EYA4: variants seen among roughly 807,000 people sequenced by gnomAD.
EYA4 encodes the protein protein phosphatase EYA4.
In EYA4, 31 loss-of-function variants were observed where a neutral mutation model predicts 87.9. That is an observed-to-expected ratio of 0.35 (90% CI 0.27 to 0.48). The LOEUF (loss-of-function observed/expected upper bound fraction) is 0.48. EYA4 is among the 20% of genes least tolerant of loss of function. The probability of loss-of-function intolerance (pLI) is 0.99; values close to 1 mark genes in which losing one functional copy is unlikely to be tolerated. For missense variants in EYA4, 678 were observed against 761.4 expected (o/e 0.89, Z 1.29); for synonymous variants, 263 against 270.6 (o/e 0.97, Z 0.28).
intron 2 of EYA4, among the ~76,000 whole-genome samples, chr6:133,307,541 T>G (rs1003092575): frequency 6.6e-6 from 1 of 152,172 alleles, no homozygotes; most frequent in South Asian, 2.1e-4. Context: ...GTTCAAGCCT[T>G]AATACTAATC....
At chr6:133,487,015 A>T (rs11757467) in intron 13 of EYA4, among the ~76,000 whole-genome samples, 3,605 of 152,292 alleles carry the variant, frequency 0.024, 52 homozygotes, top group Middle Eastern at 0.037. Flanking sequence ...TGACTTGCTG[A>T]CACCACCACC....
rs777955318 is a variant in EYA4, at chr6:133,419,022, G to A, written c.84-27608G>A. On this transcript the variant is annotated intron_variant, in intron 3 of 19. Transcript: ENST00000355286. Reference sequence around the variant, plus strand: ...ATATCCACTCATAGGACATAGGGTGGCCTTTCTCTCTTTTTATAAGGGTAT... The same window carrying A: ...ATATCCACTCATAGGACATAGGGTGACCTTTCTCTCTTTTTATAAGGGTAT... Among the ~76,000 whole-genome samples, 8 of 152,192 alleles carry A rather than the reference G, an allele frequency of 5.3e-5. 1 individual carries two copies. The Middle Eastern group carries it at 0.01, about 194-fold the overall frequency.
intron 3 of EYA4, among the ~76,000 whole-genome samples, chr6:133,404,801 C>T (rs759503123): frequency 5.3e-5 from 8 of 152,174 alleles, no homozygotes; most frequent in Non-Finnish European, 1.2e-4. Flanking sequence ...TGCCTCATCA[C>T]CCACCTTAAA....
chr6:133,513,165 GC>G, intron 16 of EYA4, 127 bp downstream of exon 16: 1 of 952,142 alleles, frequency 1.1e-6, no homozygotes, highest in Non-Finnish European at 1.6e-6. Context: ...ACCACATTGA[GC>G]CAGAAGTTTC....
intron 2 of EYA4, among the ~76,000 whole-genome samples, chr6:133,297,136 T>C (rs1779005502): frequency 6.6e-6 from 1 of 152,190 alleles, no homozygotes; most frequent in Admixed American, 6.5e-5. Flanking sequence ...TTTAAGGTCC[T>C]TTTTGTTTTT....
chr6:133,421,499 A>G (rs559854239), intron 3 of EYA4, among the ~76,000 whole-genome samples: 137 of 152,322 alleles, frequency 9.0e-4, no homozygotes, highest in Admixed American at 1.4e-3. Context: ...CTTATTTAGC[A>G]TGAGTTCTCA....
At chr6:133,310,095 G>A (rs76783883) in intron 2 of EYA4, among the ~76,000 whole-genome samples, 1,675 of 152,318 alleles carry the variant, frequency 0.011, 8 homozygotes, top group African/African-American at 0.014. Flanking sequence ...CAGCGAAAGT[G>A]AGGAGGTCAA....
intron 2 of EYA4, among the ~76,000 whole-genome samples, chr6:133,306,582 C>A (rs1779827570): frequency 6.6e-6 from 1 of 152,168 alleles, no homozygotes; most frequent in African/African-American, 2.4e-5. Context: ...TTATTAAAAA[C>A]TGAATCTTTA....
chr6:133,473,759 C>G (rs1795482042), intron 11 of EYA4, among the ~76,000 whole-genome samples: 1 of 151,906 alleles, frequency 6.6e-6, no homozygotes, highest in African/African-American at 2.4e-5. Context: ...CTTAGCCTCC[C>G]TGGGTATCTG....
chr6:133,530,274 A>G lies in EYA4; in HGVS notation c.*1469A>G, dbSNP rs1257527397. 1 of 985,260 alleles carries G rather than the reference A, an allele frequency of 1.0e-6. No homozygotes were observed. The highest frequency in any genetic ancestry group is 1.2e-6 in the Non-Finnish European group (1 of 829,904). The allele number at this position is 985,260 out of a possible 1,614,324, so 61.0% of individuals were successfully genotyped here. Reference sequence around the variant, plus strand: ...CATATGTTTGTTAGTTTCTGCCTGTATTGTCACTGCGCAACGGATGGCATT... The same window carrying G: ...CATATGTTTGTTAGTTTCTGCCTGTGTTGTCACTGCGCAACGGATGGCATT... On this transcript the variant is annotated 3_prime_UTR_variant, in exon 20 of 20. Coordinates refer to ENST00000355286, the MANE Select transcript of EYA4 (RefSeq NM_004100.5).
At chr6:133,498,822 A>G (rs1797858184) in intron 13 of EYA4, among the ~76,000 whole-genome samples, 1 of 152,190 alleles carries the variant, frequency 6.6e-6, no homozygotes, top group South Asian at 2.1e-4. Flanking sequence ...TTGGGGAATC[A>G]TTGCTACCTA....
At chr6:133,265,690 T>C (rs1173543459) in intron 1 of EYA4, among the ~76,000 whole-genome samples, 1 of 152,084 alleles carries the variant, frequency 6.6e-6, no homozygotes, top group African/African-American at 2.4e-5. Flanking sequence ...CACGTTACCA[T>C]AAAAAGTCAA....
chr6:133,300,812 A>G (rs1779345675), intron 2 of EYA4, among the ~76,000 whole-genome samples: 1 of 152,142 alleles, frequency 6.6e-6, no homozygotes, highest in South Asian at 2.1e-4. Context: ...TTAATTGATG[A>G]TAGTGTCAGA....
intron 2 of EYA4, among the ~76,000 whole-genome samples, chr6:133,276,138 A>G (rs1013141887): frequency 2.6e-5 from 4 of 152,212 alleles, no homozygotes; most frequent in African/African-American, 9.6e-5. Flanking sequence ...AATGTTGACA[A>G]CATCTTAGTG....
intron 2 of EYA4, among the ~76,000 whole-genome samples, chr6:133,358,548 C>T (rs74298544): frequency 0.089 from 13,514 of 152,210 alleles, 754 homozygotes; most frequent in East Asian, 0.16. Context: ...AAGCACCAAA[C>T]ATTTTTTTCT....
intron 1 of EYA4, among the ~76,000 whole-genome samples, chr6:133,268,037 T>C (rs981167772): frequency 1.3e-5 from 2 of 152,180 alleles, no homozygotes; most frequent in Non-Finnish European, 2.9e-5. Context: ...TGAATATGTA[T>C]ACAATAATCC....
At chr6:133,508,995 T>G (rs748913081) in intron 14 of EYA4, among the ~76,000 whole-genome samples, 2 of 152,186 alleles carry the variant, frequency 1.3e-5, no homozygotes, top group Non-Finnish European at 2.9e-5. Flanking sequence ...ATAAAATAAT[T>G]GAGTTTCTGC....
At chr6:133,282,725 G>A (rs1777729693) in intron 2 of EYA4, among the ~76,000 whole-genome samples, 1 of 152,090 alleles carries the variant, frequency 6.6e-6, no homozygotes, top group Admixed American at 6.5e-5. Context: ...ACAGCTGTTT[G>A]TGTTAAGAAG....
Position 133,481,604 on chromosome 6 carries a change from G to A in EYA4, c.1107+5G>A, listed in dbSNP as rs1313477555. The A allele has an allele frequency of 1.2e-6, 2 of 1,613,700 alleles. No individual in the cohort carries two copies. The highest frequency in any genetic ancestry group is 1.7e-6 in the Non-Finnish European group (2 of 1,179,756). ...CCTCCTGATAGTGACCTGGAGGTAT[G>A]CCTACTCATTCTTAAAGATTGTAGT... On this transcript the variant is annotated splice_donor_5th_base_variant and intron_variant, in intron 12 of 19. Coordinates refer to ENST00000355286, the MANE Select transcript of EYA4 (RefSeq NM_004100.5).
Sources: allele counts gnomAD v4.1 joint callset (sites outside exome capture counted in the v4.1 genomes callset), GRCh38; gene constraint gnomAD v4.1.1; transcripts MANE v1.5; gene names NCBI Gene and HGNC (gene_info 2026-07-23, HGNC 2026-07-21).